GART: variants seen among roughly 807,000 people sequenced by gnomAD.
The protein encoded by GART is trifunctional purine biosynthetic protein adenosine-3.
GART carries 43 observed loss-of-function variants against 107.2 expected under a neutral mutation model. That is an observed-to-expected ratio of 0.40 (90% CI 0.31 to 0.52). The LOEUF (loss-of-function observed/expected upper bound fraction) is 0.52. GART is among the 20% of genes least tolerant of loss of function. The pLI, the probability that GART is intolerant of heterozygous loss-of-function variation, is 0.52. For synonymous variants in GART, 434 were observed against 427.0 expected (o/e 1.02, Z -0.20); for missense variants, 1,107 against 1,206.5 (o/e 0.92, Z 1.22).
chr21:33,503,986 A>C lies in GART; in HGVS notation c.*138T>G. 1.5e-6 allele frequency: 1 copy of C among 688,844 alleles called. No individual in the cohort carries two copies. The highest frequency in any genetic ancestry group is 2.3e-6 in the Non-Finnish European group (1 of 431,410). 42.7% of individuals were successfully genotyped at this position (688,844 alleles called of 1,614,324 possible). A position where few individuals can be genotyped will look rare whatever the true frequency, so the allele number is the denominator to read the frequency against. The stretch of plus-strand genomic sequence containing the variant: ...GTTTTTAGTGAGTCTCTATTTATTA[A>C]AAAAATAGATGAAGTAAGGGTGAGG... On this transcript the variant is annotated 3_prime_UTR_variant, in exon 22 of 22. Transcript: ENST00000381815.
intron 19 of GART, 107 bp from the exon 20 acceptor site, chr21:33,505,809 T>C: frequency 1.5e-6 from 2 of 1,334,732 alleles, no homozygotes; most frequent in Non-Finnish European, 2.1e-6. Context: ...AAGATATACC[T>C]GATAGAGAGA....
intron 13 of GART, 72 bp downstream of exon 13, chr21:33,520,834 G>T: frequency 1.7e-6 from 2 of 1,178,322 alleles, no homozygotes. Context: ...GTCAAGAGAA[G>T]AAAAATACAT....
chr21:33,542,875 G>A (rs562432833), upstream of GART: 75 of 591,392 alleles, frequency 1.3e-4, no homozygotes, highest in Admixed American at 1.2e-4. Flanking sequence ...CGTGCGCGGC[G>A]CAAACGTCAG....
Position 33,511,343 on chromosome 21 carries a change from T to C in GART, c.2223A>G (p.Val741=). The change falls in exon 17 of 22, where the codon GTA becomes GTG. Residue 741 remains valine (V), a synonymous_variant. Coordinates refer to ENST00000381815, the MANE Select transcript of GART (RefSeq NM_000819.5). ...FNCGVGAVLV[V]SKEQTEQILR... The stretch of plus-strand genomic sequence containing the variant: ...GAATCTGCTCTGTCTGCTCCTTTGA[T>C]ACCACAAGGACAGCGCCAACCCCAC... 3 of 1,614,198 alleles carry C rather than the reference T, an allele frequency of 1.9e-6. No homozygotes were observed. The highest frequency in any genetic ancestry group is 2.5e-6 in the Non-Finnish European group (3 of 1,180,014).
intron 16 of GART, among the ~76,000 whole-genome samples, chr21:33,515,999 G>C (rs2084870601): frequency 6.6e-6 from 1 of 152,072 alleles, no homozygotes; most frequent in South Asian, 2.1e-4. Context: ...TGTAATCCCA[G>C]TACTTTGGGA....
chr21:33,509,920 C>A lies in GART; in HGVS notation c.2315G>T (p.Gly772Val), dbSNP rs748053311. ...VIGSVVARAE[G>V]SPRVKVKNLI... ...ATTCTTGACTTTCACACGTGGGGAACCTTCATTTCAAACATATCCATAAAT... is the reference window on the plus strand; with the variant it reads ...ATTCTTGACTTTCACACGTGGGGAAACTTCATTTCAAACATATCCATAAAT... The change falls in exon 18 of 22, where the codon GGT becomes GTT. Residue 772 changes from glycine (G) to valine (V), a missense_variant and splice_region_variant. Gly to Val is a moderately radical substitution (Grantham distance 109). Coordinates refer to ENST00000381815, the MANE Select transcript of GART (RefSeq NM_000819.5). 1 of 1,608,054 alleles carries A rather than the reference C, an allele frequency of 6.2e-7. No homozygotes were observed. The highest frequency in any genetic ancestry group is 8.5e-7 in the Non-Finnish European group (1 of 1,177,706).
At chr21:33,508,185 G>A (rs2145677413) in intron 18 of GART, among the ~76,000 whole-genome samples, 1 of 152,210 alleles carries the variant, frequency 6.6e-6, no homozygotes, top group South Asian at 2.1e-4. Context: ...CACAAATTCT[G>A]TATCTTGTGA....
intron 5 of GART, 55 bp downstream of exon 5, chr21:33,532,290 C>T (rs1025899836): frequency 1.5e-5 from 18 of 1,192,332 alleles, no homozygotes; most frequent in Middle Eastern, 1.9e-4. Context: ...AAACTTAAAA[C>T]GGTATTTATT....
chr21:33,532,988 G>GA (rs370559862), intron 4 of GART, among the ~76,000 whole-genome samples: 27 of 148,410 alleles, frequency 1.8e-4, no homozygotes, highest in East Asian at 1.6e-3. Flanking sequence ...GGATATGAAT[G>GA]AAAAAAAAAT....
intron 16 of GART, among the ~76,000 whole-genome samples, chr21:33,513,848 A>T (rs1242875762): frequency 6.6e-6 from 1 of 152,222 alleles, no homozygotes; most frequent in Admixed American, 6.5e-5. Context: ...CAGATTACCA[A>T]ATTATGATCT....
chr21:33,542,792 C>T (rs115595683), upstream of GART: 322 of 455,120 alleles, frequency 7.1e-4, 2 homozygotes, highest in African/African-American at 5.9e-3. Flanking sequence ...ACAACTTATG[C>T]GGACACGGTC....
intron 20 of GART, among the ~76,000 whole-genome samples, chr21:33,505,166 A>T (rs1263620684): frequency 6.6e-6 from 1 of 152,188 alleles, no homozygotes; most frequent in Non-Finnish European, 1.5e-5. Flanking sequence ...TTCCTAAGAG[A>T]GGATGGACTC....
Position 33,514,488 on chromosome 21 carries a change from G to A in GART, c.2107+2501C>T, listed in dbSNP as rs572588376. Among the ~76,000 whole-genome samples the A allele has an allele frequency of 2.0e-5, 3 of 152,192 alleles. No homozygotes were observed. In the South Asian group the frequency reaches 6.2e-4, roughly 32 times the overall value. On this transcript the variant is annotated intron_variant, in intron 16 of 21. Coordinates refer to ENST00000381815, the MANE Select transcript of GART (RefSeq NM_000819.5). ...GACTACTATGTTGTTTTTAACTAGT[G>A]GTGTGCTAGAGCCAGCTTGTAGAGA... is the stretch of plus-strand genomic sequence containing the variant.
chr21:33,540,725 T>C (rs1338565028), intron 1 of GART, among the ~76,000 whole-genome samples: 2 of 152,146 alleles, frequency 1.3e-5, no homozygotes, highest in African/African-American at 2.4e-5. Context: ...AAAAAGAAAA[T>C]TGAAAACTTA....
chr21:33,504,592 C>CCCA, intron 20 of GART, 65 bp from the exon 21 acceptor site: 1 of 1,163,894 alleles, frequency 8.6e-7, no homozygotes, highest in Non-Finnish European at 1.3e-6. Flanking sequence ...TAAAGGAATA[C>CCCA]GTTTTCCTAT....
At chr21:33,525,840 A>T (rs1300725413) in intron 10 of GART, among the ~76,000 whole-genome samples, 1 of 151,666 alleles carries the variant, frequency 6.6e-6, no homozygotes, top group Non-Finnish European at 1.5e-5. Context: ...TGATCACATT[A>T]ATCTTTTCCT....
At chr21:33,512,684 G>C (rs1021049752) in intron 16 of GART, among the ~76,000 whole-genome samples, 39 of 152,122 alleles carry the variant, frequency 2.6e-4, no homozygotes, top group Middle Eastern at 3.4e-3. Flanking sequence ...GATGTCCCAG[G>C]CTCAAGTGAT....
intron 16 of GART, among the ~76,000 whole-genome samples, chr21:33,515,972 G>A (rs1436416603): frequency 6.6e-6 from 1 of 152,044 alleles, no homozygotes; most frequent in East Asian, 1.9e-4. Context: ...TTGGGGCCGG[G>A]CGCGGTGGCT....
intron 18 of GART, among the ~76,000 whole-genome samples, chr21:33,508,007 A>T (rs2084713986): frequency 6.6e-6 from 1 of 152,174 alleles, no homozygotes; most frequent in South Asian, 2.1e-4. Flanking sequence ...TATACCTACC[A>T]TGTACCCATA....
Sources: gnomAD v4.1 joint callset for allele counts (sites outside exome capture counted in the v4.1 genomes callset) on GRCh38, gnomAD v4.1.1 for gene constraint, MANE v1.5 for transcripts, NCBI Gene and HGNC (gene_info 2026-07-23, HGNC 2026-07-21) for gene names.